SPAG9: variants seen among roughly 807,000 people sequenced by gnomAD.
The protein encoded by SPAG9 is sperm associated antigen 9.
In SPAG9, 35 loss-of-function variants were observed where a neutral mutation model predicts 166.5. The observed-to-expected ratio is 0.21, with a 90% CI of 0.16 to 0.28. The LOEUF (loss-of-function observed/expected upper bound fraction) is 0.28, where lower values mean the gene tolerates loss of function less well. SPAG9 is among the 10% of genes least tolerant of loss of function. The probability of loss-of-function intolerance (pLI) is 1.00; values close to 1 mark genes in which losing one functional copy is unlikely to be tolerated. For missense variants in SPAG9, 1,235 were observed against 1,603.3 expected (o/e 0.77, Z 3.92); for synonymous variants, 534 against 565.5 (o/e 0.94, Z 0.79).
At chr17:50,977,011 C>G (rs998246417) in intron 27 of SPAG9, 97 bp downstream of exon 27, 2 of 751,898 alleles carry the variant, frequency 2.7e-6, no homozygotes, top group Non-Finnish European at 4.6e-6. Flanking sequence ...TTTGCCATCA[C>G]TGATTTTCTG....
intron 27 of SPAG9, chr17:50,975,796 G>T (rs1974166106): frequency 8.6e-7 from 1 of 1,158,662 alleles, no homozygotes; most frequent in Non-Finnish European, 1.2e-6. Context: ...TTCTAGAGGA[G>T]TGGTAACAGC....
chr17:51,034,971 A>C (rs1229019025), intron 5 of SPAG9, among the ~76,000 whole-genome samples: 1 of 152,242 alleles, frequency 6.6e-6, no homozygotes, highest in African/African-American at 2.4e-5. Flanking sequence ...GACAAGACTG[A>C]GGAACTGTTA....
At chr17:51,110,414 G>T (rs2049074102) in intron 1 of SPAG9, among the ~76,000 whole-genome samples, 1 of 151,654 alleles carries the variant, frequency 6.6e-6, no homozygotes, top group Non-Finnish European at 1.5e-5. Context: ...ACCCTAGCTG[G>T]ACGTGGTGGC....
intron 1 of SPAG9, among the ~76,000 whole-genome samples, chr17:51,095,787 T>G (rs1026068545): frequency 6.8e-6 from 1 of 146,122 alleles, no homozygotes; most frequent in Non-Finnish European, 1.5e-5. Flanking sequence ...TATATAGTGA[T>G]ATACGTATAG....
chr17:51,062,666 C>T (rs2144553158), intron 2 of SPAG9, among the ~76,000 whole-genome samples: 1 of 152,330 alleles, frequency 6.6e-6, no homozygotes, highest in East Asian at 1.9e-4. Flanking sequence ...TCTCAGCTCA[C>T]TGCAACCTCC....
rs1973197681 is a variant in SPAG9, at chr17:50,963,058, GAGTA to G, written c.*3210_*3213del. The G allele has an allele frequency of 6.6e-6, 1 of 152,212 alleles. No homozygotes were observed. The highest frequency in any genetic ancestry group is 1.5e-5 in the Non-Finnish European group (1 of 68,042). The allele number at this position is 152,212 out of a possible 1,614,324, so 9.4% of individuals were successfully genotyped here. ...CACAGAGATTTTAACCTGCATTTAAGAGTAAGTGTTAGGTTGAGGCATATGATAT... is the reference window on the plus strand; with the variant it reads ...CACAGAGATTTTAACCTGCATTTAAGAGTGTTAGGTTGAGGCATATGATAT... On this transcript the variant is annotated 3_prime_UTR_variant, in exon 30 of 30. Transcript: ENST00000262013.
intron 6 of SPAG9, among the ~76,000 whole-genome samples, chr17:51,021,774 C>T (rs1278233784): frequency 3.3e-5 from 5 of 152,238 alleles, no homozygotes; most frequent in South Asian, 2.1e-4. Context: ...TTCTTAACCT[C>T]GGGTATCTTT....
chr17:51,085,461 G>A (rs2048281042), intron 1 of SPAG9: 1 of 152,124 alleles, frequency 6.6e-6, no homozygotes, highest in South Asian at 2.1e-4. Context: ...TGACTACTGA[G>A]GCTTTTTATC....
chr17:51,024,933 C>T (rs957127152), intron 6 of SPAG9, among the ~76,000 whole-genome samples: 3 of 151,424 alleles, frequency 2.0e-5, no homozygotes, highest in Non-Finnish European at 2.9e-5. Context: ...GCAGGAGAAT[C>T]GCTTGAACCC....
rs2049436481 is a variant in SPAG9, at chr17:51,120,222, C to T, written c.303+132G>A. 1 of 790,814 alleles carries T rather than the reference C, an allele frequency of 1.3e-6. No homozygotes were observed. The highest frequency in any genetic ancestry group is 1.9e-6 in the Non-Finnish European group (1 of 535,442). The allele number at this position is 790,814 out of a possible 1,614,324, so 49.0% of individuals were successfully genotyped here. A position where few individuals can be genotyped will look rare whatever the true frequency, so the allele number is the denominator to read the frequency against. On this transcript the variant is annotated intron_variant, in intron 1 of 29. Transcript: ENST00000262013. This position sits in a 1 kb window ranked among gnomAD's most constrained non-coding sequence, Gnocchi z 4.7. The stretch of plus-strand genomic sequence containing the variant: ...GTACCTGGAGGCCGCCGGGATCGGT[C>T]CCAGGGGGCATCGGCCTCAGGCCCG...
rs1293140346 is a variant in SPAG9 at position 51,014,316 on chromosome 17, G to A, written c.1129C>T (p.Arg377Cys). The A allele has an allele frequency of 1.9e-6, 3 of 1,613,268 alleles. No homozygotes were observed. Among genetic ancestry groups the A allele is most frequent in the Non-Finnish European group, 2.5e-6 (3 of 1,179,400 alleles). Residue 377 changes from arginine to cysteine, a missense_variant, in exon 9 of 30, where the codon CGC becomes TGC. Coordinates refer to ENST00000262013, the MANE Select transcript of SPAG9 (RefSeq NM_001130528.3). ...TKGIENKAFDRNTESLFEELS... is the reference protein window; with the variant it reads ...TKGIENKAFDCNTESLFEELS... ...TCTTCAAAGAGAGATTCTGTATTGC[G>A]ATCAAAAGCTTTGTTCTCTATGCCT...
intron 6 of SPAG9, among the ~76,000 whole-genome samples, chr17:51,029,694 GT>G (rs2046317249): frequency 6.6e-6 from 1 of 152,142 alleles, no homozygotes; most frequent in Non-Finnish European, 1.5e-5. Flanking sequence ...TTCTATTTAT[GT>G]GCGGTATTTA....
chr17:51,042,183 C>T (rs1046282768), intron 4 of SPAG9, among the ~76,000 whole-genome samples: 1 of 152,130 alleles, frequency 6.6e-6, no homozygotes, highest in Non-Finnish European at 1.5e-5. Flanking sequence ...TCTTTCTCCC[C>T]ACCACCCAAG....
intron 4 of SPAG9, among the ~76,000 whole-genome samples, chr17:51,044,377 G>A (rs2046947659): frequency 6.6e-6 from 1 of 152,164 alleles, no homozygotes; most frequent in African/African-American, 2.4e-5. Context: ...GCTATTACTT[G>A]TCTAGAAAAC....
At chr17:50,998,023 T>C (rs1468335870) in intron 15 of SPAG9, among the ~76,000 whole-genome samples, 2 of 66,490 alleles carry the variant, frequency 3.0e-5, no homozygotes, top group Non-Finnish European at 6.2e-5. Flanking sequence ...ACAGAAATGA[T>C]TTTTTTTTTT....
At chr17:51,069,907 C>T (rs760572625) in intron 2 of SPAG9, among the ~76,000 whole-genome samples, 19 of 151,840 alleles carry the variant, frequency 1.3e-4, no homozygotes, top group Admixed American at 2.0e-4. Context: ...TTCAAAAAGA[C>T]GAATTTTCAT....
At chr17:51,021,751 T>G (rs1474021611) in intron 6 of SPAG9, among the ~76,000 whole-genome samples, 2 of 152,164 alleles carry the variant, frequency 1.3e-5, no homozygotes, top group African/African-American at 4.8e-5. Flanking sequence ...AAAACAGAAG[T>G]AGAATAACCA....
At position 50,980,131 on chromosome 17, in the gene SPAG9, A is replaced by G. The variant is rs1974487609; in HGVS notation, c.3238-214T>C. 3.3e-5 allele frequency among the ~76,000 whole-genome samples: 5 copies of G among 152,194 alleles called. No individual in the cohort carries two copies. In the South Asian group the frequency reaches 1.0e-3, roughly 32 times the overall value. ...ATATTGGACTTCAGCACTATATAGGATATCACCTTATAACAGCAATACTAG... is the reference window on the plus strand; with the variant it reads ...ATATTGGACTTCAGCACTATATAGGGTATCACCTTATAACAGCAATACTAG... On this transcript the variant is annotated intron_variant, in intron 25 of 29. Transcript: ENST00000262013.
intron 1 of SPAG9, among the ~76,000 whole-genome samples, chr17:51,093,594 C>T (rs2048529174): frequency 1.4e-5 from 2 of 147,144 alleles, no homozygotes; most frequent in Admixed American, 7.1e-5. Flanking sequence ...ACTCGGGAGG[C>T]TGAGGCAGGA....
Sources: allele counts gnomAD v4.1 joint callset (sites outside exome capture counted in the v4.1 genomes callset), GRCh38; gene constraint gnomAD v4.1.1; non-coding constraint Gnocchi (gnomAD v3.1); transcripts MANE v1.5; gene names NCBI Gene and HGNC (gene_info 2026-07-23, HGNC 2026-07-21).